The following SLC15A4 variants were observed in gnomAD, a reference collection of about 807,000 sequenced individuals.
SLC15A4 encodes the protein hPHT1.
In SLC15A4, 26 loss-of-function variants were observed where a neutral mutation model predicts 46.1. The observed-to-expected ratio is 0.56, with a 90% CI of 0.41 to 0.78. The LOEUF is 0.78. Ranked by LOEUF, SLC15A4 falls within the 30% of genes least tolerant of loss-of-function variation. SLC15A4 has a pLI of 0.00. For missense variants in SLC15A4, 751 were observed against 755.7 expected (o/e 0.99, Z 0.07); for synonymous variants, 370 against 333.4 (o/e 1.11, Z -1.20).
At chr12:128,806,468 TC>T (rs1380861303) in intron 5 of SLC15A4, among the ~76,000 whole-genome samples, 1 of 152,174 alleles carries the variant, frequency 6.6e-6, no homozygotes, top group Non-Finnish European at 1.5e-5. Context: ...CAAGTTTCTT[TC>T]CCATTAAAAT....
At chr12:128,795,485 T>A (rs1224388342) in intron 7 of SLC15A4, among the ~76,000 whole-genome samples, 1 of 152,204 alleles carries the variant, frequency 6.6e-6, no homozygotes, top group Non-Finnish European at 1.5e-5. Context: ...CTGAGACCTC[T>A]GTGCTCAGTT....
chr12:128,796,486 C>T (rs2135702717), intron 7 of SLC15A4, among the ~76,000 whole-genome samples: 1 of 143,386 alleles, frequency 7.0e-6, no homozygotes, highest in East Asian at 2.1e-4. Context: ...TGAGATCTCA[C>T]ACATTTTTAA....
intron 2 of SLC15A4, among the ~76,000 whole-genome samples, chr12:128,812,462 G>A (rs1365648505): frequency 6.6e-6 from 1 of 152,174 alleles, no homozygotes; most frequent in Non-Finnish European, 1.5e-5. Context: ...TGGCACTACA[G>A]GCACCCGCCA....
intron 1 of SLC15A4, among the ~76,000 whole-genome samples, chr12:128,822,815 C>G (rs770024322): frequency 6.6e-6 from 1 of 152,068 alleles, no homozygotes; most frequent in Non-Finnish European, 1.5e-5. Context: ...GGATTACAGG[C>G]GTGAGCCACT....
rs750299110 is a variant in SLC15A4, at chr12:128,809,432, A to T, written c.1053T>A (p.Ile351=). The T allele has an allele frequency of 3.1e-6, 5 of 1,610,004 alleles. No individual in the cohort carries two copies. The highest frequency in any genetic ancestry group is 4.2e-6 in the Non-Finnish European group (5 of 1,177,838). The part of the protein sequence containing the change: ...TYVLQSLHLR[I]PEISNITTTP... ...TGGTTGTAATATTTGAAATTTCTGG[A>T]ATCCTCAAATGAAGACTCTGTAAAA... is the stretch of plus-strand genomic sequence containing the variant. The change falls in exon 4 of 8, where the codon ATT becomes ATA. Residue 351 remains isoleucine (I), a synonymous_variant. Transcript: ENST00000266771.
At chr12:128,802,857 G>A (rs928065452) in intron 5 of SLC15A4, among the ~76,000 whole-genome samples, 1 of 152,212 alleles carries the variant, frequency 6.6e-6, no homozygotes, top group East Asian at 1.9e-4. Flanking sequence ...TGAGGCTGTT[G>A]GCAGAGAGAT....
chr12:128,795,724 G>A (rs1161342985), intron 7 of SLC15A4, among the ~76,000 whole-genome samples: 2 of 152,252 alleles, frequency 1.3e-5, no homozygotes, highest in Non-Finnish European at 2.9e-5. Context: ...TGGGAACGAC[G>A]TGTGAGCAGA....
intron 1 of SLC15A4, among the ~76,000 whole-genome samples, chr12:128,818,013 T>C (rs1955783168): frequency 6.6e-6 from 1 of 151,946 alleles, no homozygotes; most frequent in Non-Finnish European, 1.5e-5. Flanking sequence ...TAGAATTGTG[T>C]ACAGCATACC....
At position 128,815,090 on chromosome 12, in the gene SLC15A4, A is replaced by T; in HGVS notation, c.547-20T>A. ...TTTAACCTAAAATAACAGGGAGGAA[A>T]GACACTTGAAAATATATGACAGTCT... On this transcript the variant is annotated intron_variant, in intron 1 of 7. Coordinates refer to ENST00000266771, the MANE Select transcript of SLC15A4 (RefSeq NM_145648.4). The T allele has an allele frequency of 1.3e-6, 2 of 1,599,570 alleles. No individual in the cohort carries two copies. Among genetic ancestry groups the T allele is most frequent in the South Asian group, 2.2e-5 (2 of 90,652 alleles).
chr12:128,804,537 T>C (rs762871059), intron 5 of SLC15A4, among the ~76,000 whole-genome samples: 11 of 152,088 alleles, frequency 7.2e-5, no homozygotes, highest in South Asian at 2.1e-4. Context: ...CGAGACCAAC[T>C]TGGCCAATAT....
intron 2 of SLC15A4, 195 bp downstream of exon 2, chr12:128,814,580 G>A: frequency 1.7e-6 from 1 of 592,882 alleles, no homozygotes. Flanking sequence ...TCAGGCCACT[G>A]GCCTGTCTTT....
intron 7 of SLC15A4, among the ~76,000 whole-genome samples, chr12:128,797,692 C>A (rs1460135279): frequency 6.6e-6 from 1 of 152,220 alleles, no homozygotes; most frequent in East Asian, 1.9e-4. Flanking sequence ...GGCACAGACA[C>A]CCCCGGAACC....
intron 2 of SLC15A4, 190 bp downstream of exon 2, chr12:128,814,585 G>T: frequency 1.7e-6 from 1 of 605,418 alleles, no homozygotes; most frequent in Non-Finnish European, 2.9e-6. Flanking sequence ...CCACTGGCCT[G>T]TCTTTAAGAT....
chr12:128,814,436 T>C (rs1276163484), intron 2 of SLC15A4: 5 of 240,124 alleles, frequency 2.1e-5, no homozygotes, highest in African/African-American at 6.7e-5. Context: ...AAAAGAAACA[T>C]GTATAAAGCA....
intron 2 of SLC15A4, chr12:128,814,013 G>A (rs978884089): frequency 1.3e-5 from 2 of 155,494 alleles, no homozygotes; most frequent in African/African-American, 2.4e-5. Flanking sequence ...CCAAACATGA[G>A]TCATAGTTGG....
chr12:128,809,179 T>C, intron 4 of SLC15A4: 1 of 595,718 alleles, frequency 1.7e-6, no homozygotes, highest in Non-Finnish European at 2.9e-6. Context: ...AGGTGAAAAA[T>C]ACTAAGTAAT....
intron 2 of SLC15A4, chr12:128,814,485 C>G: frequency 2.8e-6 from 1 of 362,418 alleles, no homozygotes. Flanking sequence ...AAATTTCTAC[C>G]TTTATAATCT....
intron 2 of SLC15A4, among the ~76,000 whole-genome samples, chr12:128,811,088 C>A (rs756516713): frequency 6.6e-6 from 1 of 152,202 alleles, no homozygotes; most frequent in South Asian, 2.1e-4. Flanking sequence ...AATGAACAGG[C>A]CCCACTAGAC....
At chr12:128,822,318 G>C (rs965713977) in intron 1 of SLC15A4, among the ~76,000 whole-genome samples, 21 of 152,112 alleles carry the variant, frequency 1.4e-4, no homozygotes, top group Admixed American at 4.6e-4. Flanking sequence ...AACCTAGCCC[G>C]TAACTCCTTT....
Sources: gnomAD v4.1 joint callset for allele counts (sites outside exome capture counted in the v4.1 genomes callset) on GRCh38, gnomAD v4.1.1 for gene constraint, MANE v1.5 for transcripts, NCBI Gene and HGNC (gene_info 2026-07-23, HGNC 2026-07-21) for gene names.